Variants in ACSL6 observed in about 807,000 individuals in gnomAD.
ACSL6 encodes the protein long-chain-fatty-acid--CoA ligase 6.
Under a neutral mutation model 98.2 loss-of-function variants are expected in ACSL6, and 47 were observed. That is an observed-to-expected ratio of 0.48 (90% CI 0.38 to 0.61). ACSL6 has a LOEUF of 0.61. Ranked by LOEUF, ACSL6 falls within the 20% of genes least tolerant of loss-of-function variation. ACSL6 has a pLI of 0.00. For synonymous variants in ACSL6, 362 were observed against 336.9 expected, an observed-to-expected ratio of 1.07 and a Z score of -0.82; for missense variants, 761 against 913.4, an observed-to-expected ratio of 0.83 and a Z score of 2.15.
chr5:131,962,816 C>T, intron 17 of ACSL6, 138 bp from the exon 18 acceptor site: 2 of 991,350 alleles, frequency 2.0e-6, no homozygotes, highest in South Asian at 1.6e-5. Flanking sequence ...TGTGTCTGCT[C>T]TTAGGGAGCT....
At chr5:131,973,515 G>T in intron 11 of ACSL6, 115 bp from the exon 12 acceptor site, 1 of 1,108,570 alleles carries the variant, frequency 9.0e-7, no homozygotes, top group Non-Finnish European at 1.3e-6. Context: ...CCCTGACCCA[G>T]CTCTGGCTGC....
intron 1 of ACSL6, among the ~76,000 whole-genome samples, chr5:132,004,606 T>C (rs1432586518): frequency 1.3e-5 from 2 of 152,182 alleles, no homozygotes; most frequent in Non-Finnish European, 2.9e-5. Context: ...TGAGAGGTCA[T>C]GGAACTGTCC....
intron 14 of ACSL6, 53 bp downstream of exon 14, chr5:131,971,497 C>T (rs1022361007): frequency 6.8e-7 from 1 of 1,472,424 alleles, no homozygotes; most frequent in Non-Finnish European, 9.2e-7. Flanking sequence ...AGTAGTTTTC[C>T]TGCCCTAACG....
chr5:131,987,835 C>G (rs1278550123), intron 7 of ACSL6, among the ~76,000 whole-genome samples: 1 of 152,176 alleles, frequency 6.6e-6, no homozygotes, highest in Non-Finnish European at 1.5e-5. Flanking sequence ...ATTAACTGAT[C>G]CAGCCACGGA....
chr5:131,972,879 G>A (rs1204023950), intron 12 of ACSL6, 21 bp from the exon 13 acceptor site: 1 of 1,614,034 alleles, frequency 6.2e-7, no homozygotes, highest in Non-Finnish European at 8.5e-7. Flanking sequence ...TAAGTTGGAA[G>A]CAGCTGTCAG....
At chr5:131,986,992 CACACACACCA>C in intron 7 of ACSL6, 138 bp from the exon 8 acceptor site, 6 of 773,224 alleles carry the variant, frequency 7.8e-6, no homozygotes, top group Non-Finnish European at 1.3e-5. Flanking sequence ...CACACACACA[CACACACACCA>C]CACACAAAAT....
intron 1 of ACSL6, among the ~76,000 whole-genome samples, chr5:131,999,861 C>T (rs1754988771): frequency 6.6e-6 from 1 of 152,208 alleles, no homozygotes; most frequent in African/African-American, 2.4e-5. Flanking sequence ...TTTCCCCTCA[C>T]CCCACCCTGT....
chr5:132,008,084 G>A (rs1755509882), intron 1 of ACSL6, among the ~76,000 whole-genome samples: 1 of 152,184 alleles, frequency 6.6e-6, no homozygotes, highest in African/African-American at 2.4e-5. Flanking sequence ...GGTGCTGCGG[G>A]CAAAATCCTG....
chr5:131,991,019 A>G (rs1580681078), intron 2 of ACSL6, 52 bp from the exon 3 acceptor site: 1 of 1,505,338 alleles, frequency 6.6e-7, no homozygotes, highest in African/African-American at 1.4e-5. Context: ...TAGGGGTGCC[A>G]GGAGAGGGCC....
At chr5:131,977,114 T>G (rs769247713) in intron 9 of ACSL6, among the ~76,000 whole-genome samples, 22 of 152,126 alleles carry the variant, frequency 1.4e-4, no homozygotes, top group Non-Finnish European at 2.6e-4. Flanking sequence ...GTGGGCCTGG[T>G]CTCCTGAGTC....
chr5:131,980,683 C>T (rs1259296353), intron 9 of ACSL6, among the ~76,000 whole-genome samples: 3 of 152,174 alleles, frequency 2.0e-5, no homozygotes, highest in Non-Finnish European at 2.9e-5. Context: ...ATTGATCTCT[C>T]ATGTTTTGAG....
At chr5:131,981,377 T>C (rs954691818) in intron 9 of ACSL6, among the ~76,000 whole-genome samples, 1 of 140,856 alleles carries the variant, frequency 7.1e-6, no homozygotes, top group African/African-American at 2.6e-5. Flanking sequence ...AACACACACA[T>C]GGAAAAGTGC....
At chr5:131,957,531 C>G (rs995912153) in intron 20 of ACSL6, among the ~76,000 whole-genome samples, 4 of 152,202 alleles carry the variant, frequency 2.6e-5, no homozygotes, top group Admixed American at 2.0e-4. Context: ...AATTAAATTA[C>G]ATCATTTGTT....
At chr5:131,995,181 G>A (rs1295280518) in intron 1 of ACSL6, among the ~76,000 whole-genome samples, 1 of 152,146 alleles carries the variant, frequency 6.6e-6, no homozygotes, top group Admixed American at 6.5e-5. Context: ...ATGCCCTGGG[G>A]TAGAGAGAGG....
chr5:131,966,757 C>T lies in ACSL6; in HGVS notation c.1597-225G>A, dbSNP rs565124407. On this transcript the variant is annotated intron_variant, in intron 16 of 20. Coordinates refer to ENST00000651883, the MANE Select transcript of ACSL6 (RefSeq NM_001009185.3). ...CCATCTTTCCCCCCTGCCCTGGCCA[C>T]CCTAGGCCTTTGTCATCTCTTCTCC... Among the ~76,000 whole-genome samples the T allele has an allele frequency of 2.0e-5, 3 of 152,360 alleles. No individual in the cohort carries two copies. The East Asian group carries it at 5.8e-4, about 29-fold the overall frequency.
intron 16 of ACSL6, among the ~76,000 whole-genome samples, chr5:131,967,357 T>A (rs1019239121): frequency 6.6e-6 from 1 of 151,862 alleles, no homozygotes; most frequent in Non-Finnish European, 1.5e-5. Flanking sequence ...AGGCCTTGAC[T>A]CTATTAAAAA....
chr5:131,991,102 G>GC, intron 2 of ACSL6, 135 bp from the exon 3 acceptor site: 1 of 694,104 alleles, frequency 1.4e-6, no homozygotes, highest in Non-Finnish European at 2.5e-6. Flanking sequence ...GCATCTGTGT[G>GC]CCCGCGTACA....
chr5:132,010,911 T>C (rs1435741809), intron 1 of ACSL6, among the ~76,000 whole-genome samples: 2 of 152,202 alleles, frequency 1.3e-5, no homozygotes, highest in African/African-American at 4.8e-5. Flanking sequence ...AGCTGACTCC[T>C]GTGAGGTGGA....
chr5:131,974,338 G>T (rs1580650508), intron 11 of ACSL6, among the ~76,000 whole-genome samples: 1 of 152,354 alleles, frequency 6.6e-6, no homozygotes, highest in South Asian at 2.1e-4. Flanking sequence ...GCAGCCTGAA[G>T]AGCCATGCCA....
Sources: allele counts gnomAD v4.1 joint callset (sites outside exome capture counted in the v4.1 genomes callset), GRCh38; gene constraint gnomAD v4.1.1; transcripts MANE v1.5; gene names NCBI Gene and HGNC (gene_info 2026-07-23, HGNC 2026-07-21).